TMEM132C: variants seen among roughly 807,000 people sequenced by gnomAD.
The protein encoded by TMEM132C is transmembrane protein 132C, also known as protein phosphatase 1, regulatory subunit 152.
In TMEM132C, 29 loss-of-function variants were observed where a neutral mutation model predicts 61.4. That is an observed-to-expected ratio of 0.47 (90% CI 0.35 to 0.64). The LOEUF is 0.64. Among genes scored for constraint, TMEM132C ranks in the 30% least tolerant of loss-of-function variants. The probability of loss-of-function intolerance (pLI) is 0.00; values close to 1 mark genes in which losing one functional copy is unlikely to be tolerated. For synonymous variants in TMEM132C, 656 were observed against 633.1 expected (o/e 1.04, Z -0.54); for missense variants, 1,408 against 1,476.9 (o/e 0.95, Z 0.76).
chr12:128,571,563 C>T (rs554111403), intron 3 of TMEM132C, among the ~76,000 whole-genome samples: 2 of 152,196 alleles, frequency 1.3e-5, no homozygotes, highest in East Asian at 3.9e-4. Context: ...CCCACTCCCC[C>T]TCCCCGCAGC....
At chr12:128,674,798 A>G (rs1210534119) in intron 5 of TMEM132C, among the ~76,000 whole-genome samples, 1 of 152,120 alleles carries the variant, frequency 6.6e-6, no homozygotes, top group African/African-American at 2.4e-5. Flanking sequence ...ACACTGCACC[A>G]TATTTGTAGT....
chr12:128,365,696 T>G (rs1873844261), intron 1 of TMEM132C, among the ~76,000 whole-genome samples: 1 of 152,286 alleles, frequency 6.6e-6, no homozygotes, highest in South Asian at 2.1e-4. Flanking sequence ...TCAAACCAAA[T>G]AAAATGCAAA....
intron 2 of TMEM132C, among the ~76,000 whole-genome samples, chr12:128,422,349 G>GTGAA (rs1376389179): frequency 6.6e-6 from 1 of 152,162 alleles, no homozygotes; most frequent in Non-Finnish European, 1.5e-5. Context: ...GGTTATTAAC[G>GTGAA]TGAAGAACTT....
At chr12:128,608,081 G>A (rs937096933) in intron 3 of TMEM132C, among the ~76,000 whole-genome samples, 9 of 152,180 alleles carry the variant, frequency 5.9e-5, no homozygotes, top group Non-Finnish European at 1.0e-4. Context: ...ACCTGGTACC[G>A]TCAGCAAATC....
At chr12:128,564,773 CAA>C (rs1163309323) in intron 3 of TMEM132C, among the ~76,000 whole-genome samples, 1 of 152,124 alleles carries the variant, frequency 6.6e-6, no homozygotes, top group Non-Finnish European at 1.5e-5. Flanking sequence ...AATAATTTGA[CAA>C]GTGCCACATG....
chr12:128,267,496 G>A lies in TMEM132C; in HGVS notation c.85+9G>A, dbSNP rs928017961. The A allele has an allele frequency of 8.0e-7, 1 of 1,242,390 alleles. No homozygotes were observed. The allele number at this position is 1,242,390 out of a possible 1,614,324, so 77.0% of individuals were successfully genotyped here. A position where few individuals can be genotyped will look rare whatever the true frequency, so the allele number is the denominator to read the frequency against. ...CGCGCTGCTGGGCAAAGGTAAGGCC[G>A]GGGCGGGTGCCTGGCGCGCCGACGC... On this transcript the variant is annotated intron_variant, in intron 1 of 8. Transcript: ENST00000435159.
intron 1 of TMEM132C, among the ~76,000 whole-genome samples, chr12:128,355,184 G>C (rs922642710): frequency 3.9e-5 from 6 of 152,160 alleles, no homozygotes; most frequent in African/African-American, 1.4e-4. Flanking sequence ...GATTGAAATA[G>C]AGAGGCCTCC....
intron 1 of TMEM132C, among the ~76,000 whole-genome samples, chr12:128,307,029 A>C (rs79171507): frequency 6.6e-6 from 1 of 152,154 alleles, no homozygotes; most frequent in Non-Finnish European, 1.5e-5. Flanking sequence ...GAGGAGCTAC[A>C]TGAAGCCTTC....
At chr12:128,573,208 T>C (rs2136173663) in intron 3 of TMEM132C, among the ~76,000 whole-genome samples, 1 of 152,294 alleles carries the variant, frequency 6.6e-6, no homozygotes, top group East Asian at 1.9e-4. Context: ...AACCCAAATG[T>C]CTATCAATGA....
chr12:128,305,971 A>C (rs1305073364), intron 1 of TMEM132C, among the ~76,000 whole-genome samples: 3 of 152,136 alleles, frequency 2.0e-5, no homozygotes, highest in Non-Finnish European at 4.4e-5. Context: ...TCAGGGCTTG[A>C]GACTTAATTT....
chr12:128,594,773 C>T (rs774783873), intron 3 of TMEM132C, among the ~76,000 whole-genome samples: 15 of 152,324 alleles, frequency 9.8e-5, no homozygotes, highest in South Asian at 2.1e-4. Flanking sequence ...TACTCTAAGA[C>T]GAAATTGCAG....
intron 1 of TMEM132C, among the ~76,000 whole-genome samples, chr12:128,273,917 TAAAG>T (rs1431312816): frequency 1.3e-5 from 2 of 152,302 alleles, no homozygotes; most frequent in African/African-American, 4.8e-5. Flanking sequence ...TTATGTCTAT[TAAAG>T]AAGAATAAAA....
At chr12:128,450,499 C>T (rs188885212) in intron 2 of TMEM132C, among the ~76,000 whole-genome samples, 199 of 152,274 alleles carry the variant, frequency 1.3e-3, no homozygotes, top group African/African-American at 4.3e-3. Flanking sequence ...CAATAAAATG[C>T]CCTAGGCTAT....
At chr12:128,682,070 C>A (rs897260966) in intron 5 of TMEM132C, among the ~76,000 whole-genome samples, 1 of 152,156 alleles carries the variant, frequency 6.6e-6, no homozygotes, top group Non-Finnish European at 1.5e-5. Context: ...ATTGCTCCCG[C>A]TTAGGTCCGT....
At chr12:128,459,906 A>AC (rs1870477562) in intron 2 of TMEM132C, among the ~76,000 whole-genome samples, 1 of 151,080 alleles carries the variant, frequency 6.6e-6, no homozygotes, top group Non-Finnish European at 1.5e-5. Flanking sequence ...AAAAAAAAAA[A>AC]GAATGCTCTC....
In TMEM132C at chr12:128,276,894, G is replaced by GCACACACACACACACACA. The variant is rs71069547; in HGVS notation, c.85+9412_85+9429dup. Among the ~76,000 whole-genome samples the GCACACACACACACACACA allele has an allele frequency of 5.3e-3, 789 of 150,022 alleles. 3 individuals are homozygous for GCACACACACACACACACA. Among genetic ancestry groups the GCACACACACACACACACA allele is most frequent in the African/African-American group, 0.017 (692 of 41,050 alleles). ...CATGTGTGCATGCATGTGCGTGCAT[G>GCACACACACACACACACA]CACACACACACACACACACACAATT... On this transcript the variant is annotated intron_variant, in intron 1 of 8. Transcript: ENST00000435159.
chr12:128,637,486 G>C (rs975005358), intron 4 of TMEM132C, among the ~76,000 whole-genome samples: 10 of 152,248 alleles, frequency 6.6e-5, no homozygotes, highest in African/African-American at 2.4e-4. Context: ...TGAGAGACCA[G>C]CTGAGAGGCT....
At chr12:128,417,494 G>GT (rs748210804) in intron 2 of TMEM132C, among the ~76,000 whole-genome samples, 3 of 152,160 alleles carry the variant, frequency 2.0e-5, no homozygotes, top group Admixed American at 1.3e-4. Context: ...AGGCATGGTG[G>GT]TGGTGAACAA....
intron 1 of TMEM132C, among the ~76,000 whole-genome samples, chr12:128,305,261 A>G (rs946934339): frequency 1.3e-5 from 2 of 152,156 alleles, no homozygotes; most frequent in African/African-American, 4.8e-5. Context: ...AAAATTAGGC[A>G]TGGTGGCTAG....
Sources: gnomAD v4.1 joint callset for allele counts (sites outside exome capture counted in the v4.1 genomes callset) on GRCh38, gnomAD v4.1.1 for gene constraint, MANE v1.5 for transcripts, NCBI Gene and HGNC (gene_info 2026-07-23, HGNC 2026-07-21) for gene names.